The following FHIT variants were observed in gnomAD, a reference collection of about 807,000 sequenced individuals.
FHIT encodes bis(5'-adenosyl)-triphosphatase.
Under a neutral mutation model 17.9 loss-of-function variants are expected in FHIT, and 19 were observed. The ratio of observed to expected loss-of-function variants is 1.06; its 90% CI spans 0.74 to 1.56. The LOEUF is 1.56. Ranked by LOEUF, FHIT falls within the 40% of genes most tolerant of loss-of-function variation. FHIT has a pLI of 0.00. For missense variants in FHIT, 248 were observed against 189.2 expected, an observed-to-expected ratio of 1.31 and a Z score of -1.82; for synonymous variants, 81 against 69.7, an observed-to-expected ratio of 1.16 and a Z score of -0.81.
chr3:60,600,939 G>A lies in FHIT; in HGVS notation c.-17-63960C>T, dbSNP rs146638372. Among the ~76,000 whole-genome samples, 465 of 152,266 alleles carry A rather than the reference G, an allele frequency of 3.1e-3. 1 individual carries two copies. The highest frequency in any genetic ancestry group is 5.1e-3 in the Non-Finnish European group (347 of 68,012). ...CACCAAGCATGCTTTTTTGGAGGCA[G>A]AGCACAGACTGGAATTGAGCTCCCC... On this transcript the variant is annotated intron_variant, in intron 4 of 9. Transcript: ENST00000492590.
intron 5 of FHIT, among the ~76,000 whole-genome samples, chr3:60,174,366 T>C (rs557427093): frequency 5.3e-5 from 8 of 152,168 alleles, no homozygotes; most frequent in African/African-American, 1.9e-4. Context: ...AGTACTCTTG[T>C]GTCTGCAAAA....
chr3:60,783,222 G>A (rs1015005495), intron 4 of FHIT, among the ~76,000 whole-genome samples: 3 of 152,036 alleles, frequency 2.0e-5, no homozygotes, highest in Non-Finnish European at 2.9e-5. Context: ...TCCAACATAC[G>A]AATTTGTCTG....
intron 3 of FHIT, among the ~76,000 whole-genome samples, chr3:60,867,374 T>G (rs1306698447): frequency 1.3e-5 from 2 of 152,184 alleles, no homozygotes; most frequent in East Asian, 3.9e-4. Context: ...CATGCTTAAG[T>G]AGACATTTAC....
chr3:60,495,688 A>G (rs1361195719), intron 5 of FHIT, among the ~76,000 whole-genome samples: 1 of 152,202 alleles, frequency 6.6e-6, no homozygotes, highest in Non-Finnish European at 1.5e-5. Flanking sequence ...CATTCCTTTA[A>G]AAAATTTCAC....
At chr3:60,850,092 T>C (rs1335647922) in intron 3 of FHIT, among the ~76,000 whole-genome samples, 3 of 151,984 alleles carry the variant, frequency 2.0e-5, no homozygotes, top group Non-Finnish European at 2.9e-5. Context: ...CAGGCCCCCA[T>C]TCAGAATTCT....
intron 5 of FHIT, among the ~76,000 whole-genome samples, chr3:60,482,504 G>C (rs1179939498): frequency 6.6e-6 from 1 of 152,134 alleles, no homozygotes; most frequent in African/African-American, 2.4e-5. Flanking sequence ...AATCAAATTA[G>C]AACTCATGAT....
chr3:60,437,191 T>C (rs986949383), intron 5 of FHIT, among the ~76,000 whole-genome samples: 5 of 152,058 alleles, frequency 3.3e-5, no homozygotes, highest in Admixed American at 3.3e-4. Flanking sequence ...TCTTGATCAA[T>C]AGTTGGCATA....
At chr3:60,949,358 G>A (rs1708779452) in intron 3 of FHIT, among the ~76,000 whole-genome samples, 1 of 152,112 alleles carries the variant, frequency 6.6e-6, no homozygotes, top group Admixed American at 6.6e-5. Context: ...AATACTTTCT[G>A]ACAGATGAGC....
At chr3:60,860,491 CATATATATCAGGT>C (rs1419043979) in intron 3 of FHIT, among the ~76,000 whole-genome samples, 1 of 122,364 alleles carries the variant, frequency 8.2e-6, no homozygotes. Flanking sequence ...ACATATGTAT[CATATATATCAGGT>C]ATATATGATA....
At chr3:60,971,981 C>G (rs1473225694) in intron 3 of FHIT, among the ~76,000 whole-genome samples, 1 of 151,976 alleles carries the variant, frequency 6.6e-6, no homozygotes, top group Non-Finnish European at 1.5e-5. Context: ...CCATGGTAAC[C>G]AATCGGTTAT....
rs142268831 is a variant in FHIT at position 60,350,470 on chromosome 3, T to C, written c.103+186390A>G. Among the ~76,000 whole-genome samples, 555 of 152,246 alleles carry C rather than the reference T, an allele frequency of 3.6e-3. 7 individuals carry two copies. Among genetic ancestry groups the C allele is most frequent in the African/African-American group, 0.013 (536 of 41,552 alleles). The stretch of plus-strand genomic sequence containing the variant: ...CAATTTCTACATATTATCTCCAAAA[T>C]TGTACGTAACGTCACAATTTTTAAA... On this transcript the variant is annotated intron_variant, in intron 5 of 9. Coordinates refer to ENST00000492590, the MANE Select transcript of FHIT (RefSeq NM_002012.4).
At chr3:61,019,726 T>G (rs189094369) in intron 3 of FHIT, among the ~76,000 whole-genome samples, 38 of 152,320 alleles carry the variant, frequency 2.5e-4, no homozygotes, top group African/African-American at 8.9e-4. Context: ...CAAGCTCCCA[T>G]GAACCTCTTT....
chr3:60,605,849 A>G (rs1383783531), intron 4 of FHIT, among the ~76,000 whole-genome samples: 1 of 152,188 alleles, frequency 6.6e-6, no homozygotes, highest in Non-Finnish European at 1.5e-5. Context: ...GGAGAGGAGG[A>G]AAGATAAAGT....
At chr3:60,960,682 A>G (rs1709382853) in intron 3 of FHIT, among the ~76,000 whole-genome samples, 2 of 152,080 alleles carry the variant, frequency 1.3e-5, no homozygotes, top group African/African-American at 4.8e-5. Context: ...GAGAACATGC[A>G]GTGTTTGGTT....
At chr3:60,013,212 A>T (rs1700208603) in intron 6 of FHIT, among the ~76,000 whole-genome samples, 1 of 152,190 alleles carries the variant, frequency 6.6e-6, no homozygotes, top group African/African-American at 2.4e-5. Context: ...TAAAGAGCTA[A>T]GGAGGGGAGG....
At chr3:60,496,607 C>T (rs2034310049) in intron 5 of FHIT, among the ~76,000 whole-genome samples, 1 of 152,108 alleles carries the variant, frequency 6.6e-6, no homozygotes, top group African/African-American at 2.4e-5. Flanking sequence ...GAAATGTGTA[C>T]CTTACAACAT....
chr3:60,162,051 G>A (rs998804604), intron 5 of FHIT, among the ~76,000 whole-genome samples: 5 of 152,132 alleles, frequency 3.3e-5, no homozygotes, highest in African/African-American at 9.7e-5. Flanking sequence ...AGAAATGTAT[G>A]GGGAAATGTT....
intron 7 of FHIT, among the ~76,000 whole-genome samples, chr3:59,933,829 C>A (rs967224185): frequency 1.7e-4 from 26 of 152,092 alleles, no homozygotes; most frequent in African/African-American, 4.6e-4. Flanking sequence ...TCTAACTATT[C>A]TCATCTGCAG....
intron 3 of FHIT, among the ~76,000 whole-genome samples, chr3:60,889,581 AT>A (rs1705405155): frequency 6.6e-6 from 1 of 152,182 alleles, no homozygotes. Context: ...ACAAAAAACA[AT>A]TTACCAGTGG....
Sources: allele counts gnomAD v4.1 joint callset (sites outside exome capture counted in the v4.1 genomes callset), GRCh38; gene constraint gnomAD v4.1.1; transcripts MANE v1.5; gene names NCBI Gene and HGNC (gene_info 2026-07-23, HGNC 2026-07-21).